The following MYH11 variants were observed in gnomAD, a reference collection of about 807,000 sequenced individuals.
The protein encoded by MYH11 is myosin heavy chain 11, also known as myosin-11.
In MYH11, 80 loss-of-function variants were observed where a neutral mutation model predicts 246.6. The observed-to-expected ratio is 0.32, with a 90% CI of 0.27 to 0.39. The LOEUF (loss-of-function observed/expected upper bound fraction) is 0.39, where lower values mean the gene tolerates loss of function less well. MYH11 is among the 10% of genes least tolerant of loss of function. The probability of loss-of-function intolerance (pLI) is 1.00; values close to 1 mark genes in which losing one functional copy is unlikely to be tolerated. For missense variants in MYH11, 2,158 were observed against 2,546.8 expected (o/e 0.85, Z 3.29); for synonymous variants, 1,071 against 1,015.5 (o/e 1.05, Z -1.04).
intron 40 of MYH11, among the ~76,000 whole-genome samples, chr16:15,705,984 C>CAAAAAAAACAAAAAAA (rs2039428272): frequency 1.8e-5 from 1 of 56,768 alleles, no homozygotes; most frequent in African/African-American, 1.1e-4. Flanking sequence ...GACTCCGTCT[C>CAAAAAAAACAAAAAAA]AAAAAAAAAA....
At chr16:15,776,036 A>T in intron 8 of MYH11, 42 bp downstream of exon 8, 1 of 1,389,568 alleles carries the variant, frequency 7.2e-7, no homozygotes, top group Non-Finnish European at 1.0e-6. Flanking sequence ...ATGAAAGGGA[A>T]GGCTCAAGCC....
chr16:15,832,923 CTG>C (rs2043777941), intron 2 of MYH11, among the ~76,000 whole-genome samples: 1 of 141,526 alleles, frequency 7.1e-6, no homozygotes, highest in African/African-American at 2.6e-5. Flanking sequence ...CTAAGCACAT[CTG>C]AGCTTCAGCA....
At chr16:15,769,791 A>ACTAT (rs2042059003) in intron 9 of MYH11, among the ~76,000 whole-genome samples, 1 of 152,086 alleles carries the variant, frequency 6.6e-6, no homozygotes, top group Non-Finnish European at 1.5e-5. Context: ...TAAACCCTCT[A>ACTAT]TTAATCAACC....
intron 40 of MYH11, among the ~76,000 whole-genome samples, chr16:15,709,753 G>C (rs1261643227): frequency 6.6e-6 from 1 of 152,216 alleles, no homozygotes; most frequent in Non-Finnish European, 1.5e-5. Context: ...TGTTGGAACA[G>C]AAGCCAAGAA....
chr16:15,761,333 G>T (rs961325659), intron 10 of MYH11, among the ~76,000 whole-genome samples: 4 of 152,094 alleles, frequency 2.6e-5, no homozygotes, highest in African/African-American at 9.7e-5. Context: ...GGCTGGTCTC[G>T]AAGTCCTGAA....
intron 40 of MYH11, chr16:15,711,334 CAGAG>C (rs377170805): frequency 2.0e-5 from 3 of 152,140 alleles, no homozygotes; most frequent in South Asian, 4.1e-4. Flanking sequence ...ATTATGATGT[CAGAG>C]AGAGTCTATT....
chr16:15,762,032 T>C (rs914045775), intron 10 of MYH11, among the ~76,000 whole-genome samples: 1 of 152,252 alleles, frequency 6.6e-6, no homozygotes, highest in African/African-American at 2.4e-5. Context: ...TGGAGTGCAG[T>C]GGCACAATCT....
rs1425601159 is a variant in MYH11, at chr16:15,747,944, C to T, written c.2181-1G>A. 6.2e-7 allele frequency: 1 copy of T among 1,614,132 alleles called. No homozygotes were observed. Among genetic ancestry groups the T allele is most frequent in the Non-Finnish European group, 8.5e-7 (1 of 1,180,016 alleles). ...GGCATTCGCCGCCAGGATCTCGTAGCTTGAAACACAGAGCAGAAGTCACCC... is the reference window on the plus strand; with the variant it reads ...GGCATTCGCCGCCAGGATCTCGTAGTTTGAAACACAGAGCAGAAGTCACCC... On this transcript the variant is annotated splice_acceptor_variant, in intron 17 of 40. Coordinates refer to ENST00000300036, the MANE Select transcript of MYH11 (RefSeq NM_002474.3). LOFTEE classifies it high-confidence loss of function.
chr16:15,742,082 G>A, intron 20 of MYH11, 191 bp from the exon 21 acceptor site: 2 of 799,486 alleles, frequency 2.5e-6, no homozygotes, highest in South Asian at 3.1e-5. Context: ...GTGGGTAGAG[G>A]CCAGGGATAC....
chr16:15,759,708 AG>A lies in MYH11; in HGVS notation c.1268del (p.Ala423ValfsTer18). On this transcript the variant is annotated frameshift_variant, in exon 12 of 41. Transcript: ENST00000300036. LOFTEE classifies it high-confidence loss of function. Reference sequence around the variant, plus strand: ...GGCGCTCATATGTTGCCTTGGCCAAAGCCTCTACAGCAAAGTCAGCCTGCAG... The same window carrying A: ...GGCGCTCATATGTTGCCTTGGCCAAACCTCTACAGCAAAGTCAGCCTGCAG... ...TKEQADFAVE[A>X]LAKATYERLF... 1 of 1,614,196 alleles carries A rather than the reference AG, an allele frequency of 6.2e-7. No homozygotes were observed. The highest frequency in any genetic ancestry group is 8.5e-7 in the Non-Finnish European group (1 of 1,180,032).
chr16:15,758,129 C>A, intron 12 of MYH11, 129 bp from the exon 13 acceptor site: 1 of 1,387,560 alleles, frequency 7.2e-7, no homozygotes, highest in South Asian at 1.2e-5. Flanking sequence ...ATCCCAGCAC[C>A]CAGACAGGGC....
At position 15,718,322 on chromosome 16, in the gene MYH11, G is replaced by A. The variant is rs761727438; in HGVS notation, c.5288C>T (p.Thr1763Ile). 23 of 1,609,032 alleles carry A rather than the reference G, an allele frequency of 1.4e-5. No homozygotes were observed. The highest frequency in any genetic ancestry group is 1.1e-5 in the South Asian group (1 of 91,058). The change falls in exon 37 of 41, where the codon ACA becomes ATA. Residue 1763 changes from threonine (T) to isoleucine (I), a missense_variant. Thr to Ile is a moderately conservative substitution (Grantham distance 89). This residue lies in a region of MYH11 where 1,013 missense variants were observed against 993.5 expected (regional missense o/e 1.02). Transcript: ENST00000300036. ...TGTCCAGGCGGCCCTCACCTGCTGT[G>A]TGGCTTTGCGGACCCGGTCGCTCAT... is the stretch of plus-strand genomic sequence containing the variant. ...EAMSDRVRKA[T>I]QQAEQLSNEL...
chr16:15,847,940 T>C (rs993819337), intron 1 of MYH11, among the ~76,000 whole-genome samples: 1 of 152,128 alleles, frequency 6.6e-6, no homozygotes, highest in Non-Finnish European at 1.5e-5. Context: ...GTTGAGAAGC[T>C]CTTCAAACAG....
chr16:15,836,010 A>C (rs928900288), intron 2 of MYH11, among the ~76,000 whole-genome samples: 1 of 152,104 alleles, frequency 6.6e-6, no homozygotes, highest in African/African-American at 2.4e-5. Flanking sequence ...TCAGTTTCTC[A>C]AAGTGCTGGG....
intron 21 of MYH11, 28 bp from the exon 22 acceptor site, chr16:15,741,697 G>A: frequency 6.2e-7 from 1 of 1,613,990 alleles, no homozygotes. Flanking sequence ...GGAGGAGGCG[G>A]GTGAGCCCCA....
chr16:15,741,301 A>C, intron 22 of MYH11, 162 bp downstream of exon 22: 2 of 807,368 alleles, frequency 2.5e-6, no homozygotes, highest in Non-Finnish European at 4.2e-6. Flanking sequence ...TTCCAGTCCC[A>C]ATCCCAGCTG....
chr16:15,728,512 G>C (rs369035243), intron 27 of MYH11, among the ~76,000 whole-genome samples: 1 of 152,086 alleles, frequency 6.6e-6, no homozygotes, highest in Non-Finnish European at 1.5e-5. Flanking sequence ...CACAGGTGTC[G>C]TGTGATTGAC....
At chr16:15,721,201 G>A in intron 32 of MYH11, 150 bp from the exon 33 acceptor site, 5 of 985,038 alleles carry the variant, frequency 5.1e-6, no homozygotes, top group Non-Finnish European at 7.7e-6. Context: ...ACCCCTGAGA[G>A]TTCAGACCCC....
intron 1 of MYH11, among the ~76,000 whole-genome samples, chr16:15,842,738 CA>C (rs1281947345): frequency 2.5e-5 from 3 of 121,016 alleles, no homozygotes; most frequent in African/African-American, 9.8e-5. Context: ...CACTCTGGCC[CA>C]GGCAACAGAG....
Sources: allele counts gnomAD v4.1 joint callset (sites outside exome capture counted in the v4.1 genomes callset), GRCh38; gene constraint gnomAD v4.1.1; regional missense constraint gnomAD v4.1.1; transcripts MANE v1.5; gene names NCBI Gene and HGNC (gene_info 2026-07-23, HGNC 2026-07-21).